The following DDX19A variants were observed in gnomAD, a reference collection of about 807,000 sequenced individuals.
DDX19A encodes the protein DEAD-box helicase 19A.
DDX19A carries 12 observed loss-of-function variants against 60.6 expected under a neutral mutation model. The ratio of observed to expected loss-of-function variants is 0.20; its 90% confidence interval spans 0.13 to 0.32. DDX19A has a LOEUF of 0.32. DDX19A is among the 10% of genes least tolerant of loss of function. The pLI is 1.00. For synonymous variants in DDX19A, 206 were observed against 218.2 expected (o/e 0.94, Z 0.49); for missense variants, 337 against 600.6 (o/e 0.56, Z 4.59).
In DDX19A at chr16:70,371,935, A is replaced by G. The variant is rs750564399; in HGVS notation, c.1386A>G (p.Ile462Met). ...GTATCTTTCCCCCAGATAAGAAGAT[A>G]GAAAGATTGGACACAGATGATTTGG... ...NRIQEHFNKK[I>M]ERLDTDDLDE... is the part of the protein sequence containing the mutation. Residue 462 changes from isoleucine (I) to methionine (M), a missense_variant, in exon 12 of 12, where the codon ATA becomes ATG. Physicochemically the swap from Ile to Met is conservative, Grantham distance 10. Transcript: ENST00000302243. The G allele has an allele frequency of 3.1e-6, 5 of 1,613,884 alleles. No homozygotes were observed. Among genetic ancestry groups the G allele is most frequent in the Non-Finnish European group, 4.2e-6 (5 of 1,179,884 alleles).
At chr16:70,365,963 A>T in intron 7 of DDX19A, 122 bp from the exon 8 acceptor site, 15 of 1,444,268 alleles carry the variant, frequency 1.0e-5, no homozygotes, top group Non-Finnish European at 1.4e-5. Flanking sequence ...GGGAACACTC[A>T]TGTGTGTTTT....
At chr16:70,349,891 T>A (rs544509554) in intron 1 of DDX19A, among the ~76,000 whole-genome samples, 5 of 152,324 alleles carry the variant, frequency 3.3e-5, no homozygotes, top group Admixed American at 2.0e-4. Context: ...TCCTAATAGT[T>A]GGAGAAGACC....
In DDX19A at chr16:70,354,837, T is replaced by C. The variant is rs1222710635; in HGVS notation, c.107-648T>C. ...AGTGGTGCATGCCTGTAGTGCTAGC[T>C]ACTCAGGAGGTTAAGGCAGGAGGAT... On this transcript the variant is annotated intron_variant, in intron 2 of 11. Transcript: ENST00000302243. Among the ~76,000 whole-genome samples the C allele has an allele frequency of 3.3e-5, 5 of 152,146 alleles. No individual in the cohort carries two copies. The East Asian group carries it at 9.7e-4, about 29-fold the overall frequency.
chr16:70,350,442 A>C lies in DDX19A; in HGVS notation c.58-115A>C. 4.6e-6 allele frequency: 3 copies of C among 649,598 alleles called. No homozygotes were observed. The South Asian group carries it at 6.4e-5, about 14-fold the overall frequency. 40.2% of individuals were successfully genotyped at this position (649,598 alleles called of 1,614,324 possible). Reference sequence around the variant, plus strand: ...TTTGAGGGAACAAACCGACTCCCTGAATACTGGTGCTGAAAGTTTCACACT... The same window carrying C: ...TTTGAGGGAACAAACCGACTCCCTGCATACTGGTGCTGAAAGTTTCACACT... On this transcript the variant is annotated intron_variant, in intron 1 of 11. Coordinates refer to ENST00000302243, the MANE Select transcript of DDX19A (RefSeq NM_018332.5).
intron 4 of DDX19A, 98 bp from the exon 5 acceptor site, chr16:70,361,320 G>A: frequency 1.1e-6 from 1 of 912,276 alleles, no homozygotes; most frequent in Admixed American, 2.1e-5. Context: ...GACAGAGGTA[G>A]GAGGCATCAT....
At chr16:70,365,201 G>T in intron 7 of DDX19A, 70 bp downstream of exon 7, 2 of 1,025,088 alleles carry the variant, frequency 2.0e-6, no homozygotes, top group Admixed American at 3.7e-5. Flanking sequence ...TTGAAGATGC[G>T]ATGACCGTAT....
chr16:70,355,795 C>G (rs907724101), intron 3 of DDX19A: 18 of 574,160 alleles, frequency 3.1e-5, no homozygotes, highest in Non-Finnish European at 5.0e-5. Context: ...GACCCCATCT[C>G]TACAAAAGAT....
At chr16:70,352,844 G>A (rs1368729573) in intron 2 of DDX19A, among the ~76,000 whole-genome samples, 1 of 150,662 alleles carries the variant, frequency 6.6e-6, no homozygotes, top group East Asian at 2.0e-4. Flanking sequence ...CTCCATCTTG[G>A]TCAGGCTGGT....
At chr16:70,351,485 G>A (rs1964015200) in intron 2 of DDX19A, among the ~76,000 whole-genome samples, 1 of 151,978 alleles carries the variant, frequency 6.6e-6, no homozygotes, top group African/African-American at 2.4e-5. Context: ...GGGATTACAG[G>A]CATGAGTCAC....
intron 3 of DDX19A, 101 bp from the exon 4 acceptor site, chr16:70,356,011 C>T (rs1369420858): frequency 1.6e-5 from 24 of 1,488,300 alleles, no homozygotes; most frequent in South Asian, 2.4e-5. Flanking sequence ...TCCAGCCGTG[C>T]TTGACTGCCC....
chr16:70,368,235 T>C (rs1483228640), intron 9 of DDX19A, among the ~76,000 whole-genome samples: 1 of 152,034 alleles, frequency 6.6e-6, no homozygotes, highest in African/African-American at 2.4e-5. Context: ...CTCTCAAATA[T>C]AATCCACGTT....
intron 4 of DDX19A, 107 bp downstream of exon 4, chr16:70,356,354 A>T: frequency 1.3e-6 from 2 of 1,510,102 alleles, no homozygotes; most frequent in Middle Eastern, 1.8e-4. Flanking sequence ...AATTTAGTGT[A>T]TTTTTTCCTT....
intron 4 of DDX19A, among the ~76,000 whole-genome samples, chr16:70,359,011 T>C (rs1031124366): frequency 1.3e-5 from 2 of 152,210 alleles, no homozygotes; most frequent in African/African-American, 4.8e-5. Context: ...AACTGCCTTT[T>C]TAAATTTCTT....
intron 1 of DDX19A, among the ~76,000 whole-genome samples, 168 bp from the exon 2 acceptor site, chr16:70,350,389 G>A (rs1005161672): frequency 2.6e-5 from 4 of 152,112 alleles, no homozygotes; most frequent in African/African-American, 9.7e-5. Flanking sequence ...TGAAATGATG[G>A]TTTCACACAG....
chr16:70,358,095 A>G (rs970487577), intron 4 of DDX19A, among the ~76,000 whole-genome samples: 1 of 151,990 alleles, frequency 6.6e-6, no homozygotes, highest in African/African-American at 2.4e-5. Context: ...CAGTGGCACA[A>G]TCTTGGCTCA....
rs769097524 is a variant in DDX19A at position 70,366,113 on chromosome 16, G to C, written c.633G>C (p.Gln211His). The change falls in exon 8 of 12, where the codon CAG becomes CAC. Residue 211 changes from glutamine to histidine, a missense_variant. Around this residue, in one of 6 missense-constraint regions of DDX19A, gnomAD observed 62 missense variants for 75.7 expected, o/e 0.82. Transcript: ENST00000302243. Reference sequence around the variant, plus strand: ...AAAGAGGCCAGAAGATCAGTGAGCAGATTGTCATTGGCACCCCTGGGACCG... The same window carrying C: ...AAAGAGGCCAGAAGATCAGTGAGCACATTGTCATTGGCACCCCTGGGACCG... ...KLERGQKISEQIVIGTPGTVL... is the reference protein window; with the variant it reads ...KLERGQKISEHIVIGTPGTVL... 2 of 1,614,202 alleles carry C rather than the reference G, an allele frequency of 1.2e-6. No individual in the cohort carries two copies. The highest frequency in any genetic ancestry group is 8.5e-7 in the Non-Finnish European group (1 of 1,180,038).
Position 70,371,533 on chromosome 16 carries a change from A to G in DDX19A, c.1345A>G (p.Asn449Asp). 1 of 1,519,256 alleles carries G rather than the reference A, an allele frequency of 6.6e-7. No individual in the cohort carries two copies. Among genetic ancestry groups the G allele is most frequent in the Non-Finnish European group, 8.9e-7 (1 of 1,126,114 alleles). The allele number at this position is 1,519,256 out of a possible 1,614,324, so 94.1% of individuals were successfully genotyped here. Residue 449 changes from asparagine (N) to aspartate (D), a missense_variant, in exon 11 of 12, where the codon AAC (asparagine) becomes GAC (aspartate). This residue lies in a region of DDX19A where 29 missense variants were observed against 51.2 expected (regional missense o/e 0.57). Transcript: ENST00000302243. ...VNMVDSKHSM[N>D]ILNRIQEHFN... is the part of the protein sequence containing the mutation. ...CATGGTGGACAGCAAGCACAGCATGAACATCCTGAACAGAATCCAGGAGCA... is the reference window on the plus strand; with the variant it reads ...CATGGTGGACAGCAAGCACAGCATGGACATCCTGAACAGAATCCAGGAGCA...
At chr16:70,356,800 A>C in intron 4 of DDX19A, 1 of 1,049,056 alleles carries the variant, frequency 9.5e-7, no homozygotes, top group Non-Finnish European at 1.3e-6. Flanking sequence ...TAATGCTTCA[A>C]ATTGATTTAT....
intron 1 of DDX19A, 44 bp from the exon 2 acceptor site, chr16:70,350,513 A>C: frequency 6.7e-7 from 1 of 1,498,608 alleles, no homozygotes. Context: ...CCTTCCTTTT[A>C]TTGGGTCCTT....
Sources: gnomAD v4.1 joint callset for allele counts (sites outside exome capture counted in the v4.1 genomes callset) on GRCh38, gnomAD v4.1.1 for gene constraint, gnomAD v4.1.1 regional missense constraint, MANE v1.5 for transcripts, NCBI Gene and HGNC (gene_info 2026-07-23, HGNC 2026-07-21) for gene names.